Variants in KMT2E observed in about 807,000 individuals in gnomAD.
KMT2E encodes the protein lysine methyltransferase 2E (inactive).
Under a neutral mutation model 184.6 loss-of-function variants are expected in KMT2E, and 30 were observed. The ratio of observed to expected loss-of-function variants is 0.16; its 90% CI spans 0.12 to 0.22. KMT2E has a LOEUF of 0.22. Among genes scored for constraint, KMT2E ranks in the 10% least tolerant of loss-of-function variants. The pLI, the probability that KMT2E is intolerant of heterozygous loss-of-function variation, is 1.00. For synonymous variants in KMT2E, 815 were observed against 776.5 expected (o/e 1.05, Z -0.82); for missense variants, 2,023 against 2,237.4 (o/e 0.90, Z 1.93).
At chr7:105,105,752 C>A in intron 18 of KMT2E, 59 bp downstream of exon 18, 1 of 1,570,072 alleles carries the variant, frequency 6.4e-7, no homozygotes, top group Non-Finnish European at 8.6e-7. Context: ...TCATTCCTTA[C>A]TACCATCCAT....
At chr7:105,068,648 T>G (rs1392747682) in intron 6 of KMT2E, among the ~76,000 whole-genome samples, 8 of 148,112 alleles carry the variant, frequency 5.4e-5, no homozygotes, top group Non-Finnish European at 3.0e-5. Flanking sequence ...TGTTTTTTTT[T>G]TTTTTTTGTA....
chr7:105,050,910 C>G (rs1796311635), intron 3 of KMT2E, among the ~76,000 whole-genome samples: 1 of 143,974 alleles, frequency 6.9e-6, no homozygotes, highest in African/African-American at 2.5e-5. Flanking sequence ...TATTTTTATT[C>G]GAGATGGGAT....
chr7:105,050,840 G>T (rs193183000), intron 3 of KMT2E, among the ~76,000 whole-genome samples: 35 of 150,730 alleles, frequency 2.3e-4, no homozygotes, highest in African/African-American at 8.3e-4. Context: ...AGTGAGCCTT[G>T]TGCCTCAGCC....
chr7:105,067,425 C>A (rs916308754), intron 6 of KMT2E, among the ~76,000 whole-genome samples: 1 of 151,554 alleles, frequency 6.6e-6, no homozygotes. Flanking sequence ...TTTTTAAAAT[C>A]TTTTTATTAT....
At chr7:105,034,870 G>T (rs1360340532) in intron 1 of KMT2E, among the ~76,000 whole-genome samples, 1 of 114,290 alleles carries the variant, frequency 8.7e-6, no homozygotes, top group Non-Finnish European at 1.8e-5. Flanking sequence ...GTGGGGGGGT[G>T]GGGGGATGGA....
chr7:105,045,779 C>T (rs1796077095), intron 3 of KMT2E, among the ~76,000 whole-genome samples: 2 of 152,134 alleles, frequency 1.3e-5, no homozygotes, highest in South Asian at 4.1e-4. Context: ...CTGTTTGACT[C>T]CCTGTTTTAA....
chr7:105,021,292 C>A (rs929102217), intron 1 of KMT2E, among the ~76,000 whole-genome samples: 1 of 152,214 alleles, frequency 6.6e-6, no homozygotes, highest in Non-Finnish European at 1.5e-5. Flanking sequence ...CTTATTACAT[C>A]TTACATCATT....
chr7:105,077,687 C>T (rs997724815), intron 11 of KMT2E: 2 of 356,742 alleles, frequency 5.6e-6, no homozygotes, highest in African/African-American at 4.2e-5. Flanking sequence ...AAACAATCTA[C>T]TTCAAAGATT....
Position 105,112,350 on chromosome 7 carries a change from A to T in KMT2E, c.4594A>T (p.Ser1532Cys). The change falls in exon 27 of 27, where the codon AGT becomes TGT. Residue 1532 changes from serine (S) to cysteine (C), a missense_variant. Coordinates refer to ENST00000311117, the MANE Select transcript of KMT2E (RefSeq NM_182931.3). The stretch of plus-strand genomic sequence containing the variant: ...CTCAGGACAATCTTCAGCAACATAC[A>T]GTCAGTTTAACCAACAAAGTCTGAA... ...TPSGQSSATY[S>C]QFNQQSLNST... 6.2e-7 allele frequency: 1 copy of T among 1,613,352 alleles called. No homozygotes were observed.
chr7:105,076,959 T>G lies in KMT2E; in HGVS notation c.769-4T>G, dbSNP rs760964899. 10 of 1,609,826 alleles carry G rather than the reference T, an allele frequency of 6.2e-6. No individual in the cohort carries two copies. The East Asian group carries it at 2.2e-4, about 36-fold the overall frequency. On this transcript the variant is annotated splice_region_variant and splice_polypyrimidine_tract_variant and intron_variant, in intron 9 of 26. Coordinates refer to ENST00000311117, the MANE Select transcript of KMT2E (RefSeq NM_182931.3). Reference sequence around the variant, plus strand: ...AGATACTAAAGCTCAGTTTATGATTTTAGGGTTCAGCTCCAGAGATTGATC... The same window carrying G: ...AGATACTAAAGCTCAGTTTATGATTGTAGGGTTCAGCTCCAGAGATTGATC...
At position 105,074,782 on chromosome 7, in the gene KMT2E, G is replaced by T. The variant is rs148630031; in HGVS notation, c.696G>T (p.Gly232=). 62 of 1,608,602 alleles carry T rather than the reference G, an allele frequency of 3.9e-5. No individual in the cohort carries two copies. In the African/African-American group the frequency reaches 7.2e-4, roughly 19 times the overall value. Residue 232 remains glycine (G), a synonymous_variant, in exon 8 of 27, where the codon GGG becomes GGT. Coordinates refer to ENST00000311117, the MANE Select transcript of KMT2E (RefSeq NM_182931.3). ...KVNDKRRKKS[G]EKEQHISKCK... Reference sequence around the variant, plus strand: ...ATGATAAAAGAAGGAAAAAAAGCGGGGAGAAAGAACAACACATTTCAAAAT... The same window carrying T: ...ATGATAAAAGAAGGAAAAAAAGCGGTGAGAAAGAACAACACATTTCAAAAT...
chr7:105,091,170 T>C (rs772373452), intron 14 of KMT2E, 46 bp from the exon 15 acceptor site: 6 of 853,970 alleles, frequency 7.0e-6, no homozygotes, highest in Non-Finnish European at 1.2e-5. Context: ...ACTAGTTGTA[T>C]AGATGGAATA....
chr7:105,092,714 TTGAG>T (rs1318466337), intron 15 of KMT2E, among the ~76,000 whole-genome samples: 1 of 152,202 alleles, frequency 6.6e-6, no homozygotes, highest in African/African-American at 2.4e-5. Flanking sequence ...TGGCTCTTTA[TTGAG>T]TATTGATTTT....
rs2129569842 is a variant in KMT2E at position 105,106,766 on chromosome 7, C to T, written c.2841C>T (p.His947=). The change falls in exon 20 of 27, where the codon CAC becomes CAT. Residue 947 remains histidine (H), a synonymous_variant. Transcript: ENST00000311117. ...CTGGTACACCAGGAAATACCATGCA[C>T]TTTGAGGTGAGAAATTTTAATGGAG... ...VTPGTPGNTM[H]FENISSPESS... is the part of the protein sequence containing the mutation. The T allele has an allele frequency of 1.2e-6, 2 of 1,609,592 alleles. No individual in the cohort carries two copies. Among genetic ancestry groups the T allele is most frequent in the East Asian group, 2.2e-5 (1 of 44,820 alleles).
At chr7:105,065,247 C>T (rs370795661) in intron 5 of KMT2E, among the ~76,000 whole-genome samples, 1 of 152,300 alleles carries the variant, frequency 6.6e-6, no homozygotes, top group African/African-American at 2.4e-5. Context: ...ATCCACAGCT[C>T]TGATTATTTA....
intron 7 of KMT2E, among the ~76,000 whole-genome samples, chr7:105,074,414 C>T (rs926071253): frequency 1.8e-4 from 28 of 152,144 alleles, no homozygotes; most frequent in South Asian, 2.1e-4. Flanking sequence ...TTCCCACAGG[C>T]ACACCACCAG....
intron 3 of KMT2E, among the ~76,000 whole-genome samples, chr7:105,041,848 T>G (rs1177301238): frequency 6.6e-6 from 1 of 152,244 alleles, no homozygotes; most frequent in Non-Finnish European, 1.5e-5. Flanking sequence ...CTTAATCGAC[T>G]ATGAAGAAAC....
intron 13 of KMT2E, among the ~76,000 whole-genome samples, chr7:105,088,049 A>C (rs372516786): frequency 5.9e-5 from 9 of 152,064 alleles, no homozygotes; most frequent in African/African-American, 2.2e-4. Context: ...ATATCATTTT[A>C]GTCCTTTCTC....
At chr7:105,075,162 T>C (rs1438818891) in intron 8 of KMT2E, among the ~76,000 whole-genome samples, 3 of 152,040 alleles carry the variant, frequency 2.0e-5, no homozygotes, top group African/African-American at 7.2e-5. Context: ...TTCTTCCCCA[T>C]GTTTTACATA....
Sources: gnomAD v4.1 joint callset for allele counts (sites outside exome capture counted in the v4.1 genomes callset) on GRCh38, gnomAD v4.1.1 for gene constraint, MANE v1.5 for transcripts, NCBI Gene and HGNC (gene_info 2026-07-23, HGNC 2026-07-21) for gene names.